REXO4: variants seen among roughly 807,000 people sequenced by gnomAD.
The protein encoded by REXO4 is RNA exonuclease 4.
A neutral mutation model predicts 39.9 loss-of-function variants in REXO4; 29 were observed. The observed-to-expected ratio is 0.73, with a 90% CI of 0.54 to 0.99. The LOEUF is 0.99. Ranked by LOEUF, REXO4 falls within the 50% of genes least tolerant of loss-of-function variation. REXO4 has a pLI of 0.00. For missense variants in REXO4, 524 were observed against 546.5 expected (o/e 0.96, Z 0.41); for synonymous variants, 184 against 206.2 (o/e 0.89, Z 0.92).
At position 133,406,639 on chromosome 9, in the gene REXO4, C is replaced by T. The variant is rs1250523453; in HGVS notation, c.*314G>A. The T allele has an allele frequency of 1.2e-5, 5 of 400,912 alleles. No homozygotes were observed. In the South Asian group the frequency reaches 1.3e-4, roughly 10 times the overall value. 24.8% of individuals were successfully genotyped at this position (400,912 alleles called of 1,614,324 possible). ...ATGGGCAGTGACAGCACCGTATGGA[C>T]TGGCGGCCCACAGGCCCCAACCTCA... On this transcript the variant is annotated 3_prime_UTR_variant, in exon 8 of 8. Transcript: ENST00000371942.
At chr9:133,407,786 T>TA in intron 7 of REXO4, 21 bp downstream of exon 7, 2 of 1,608,978 alleles carry the variant, frequency 1.2e-6, no homozygotes, top group Middle Eastern at 1.7e-4. Flanking sequence ...CCCCATGAAC[T>TA]ACCCCACAGG....
In REXO4 at chr9:133,407,058, C is replaced by G; in HGVS notation, c.1164G>C (p.Gln388His). Residue 388 changes from glutamine (Q) to histidine (H), a missense_variant, in exon 8 of 8, where the codon CAG becomes CAC. Physicochemically the swap from Gln to His is conservative, Grantham distance 24. Transcript: ENST00000371942. ...QAEHCSIQDA[Q>H]AAMRLYVMVK... ...CCATGACGTACAGCCTCATTGCTGC[C>G]TGGGCATCCTGAATCTAGACGACAT... 1 of 1,613,176 alleles carries G rather than the reference C, an allele frequency of 6.2e-7. No homozygotes were observed. Among genetic ancestry groups the G allele is most frequent in the Non-Finnish European group, 8.5e-7 (1 of 1,180,034 alleles).
rs587673111 is a variant in REXO4, at chr9:133,412,805, C to T, written c.689G>A (p.Ser230Asn). ...LGQSEGSVSL[S>N]LVKEQAFGGL... ...GCCGAAGGCCTGCTCTTTCACGAGG[C>T]TGAGGCTGACGCTGCCCTCGCTCTG... The change falls in exon 3 of 8, where the codon AGC (serine) becomes AAC (asparagine). Residue 230 changes from serine (S) to asparagine (N), a missense_variant. Ser to Asn is a conservative substitution (Grantham distance 46). Transcript: ENST00000371942. 9.3e-6 allele frequency: 15 copies of T among 1,613,570 alleles called. No homozygotes were observed. In the South Asian group the frequency reaches 1.6e-4, roughly 18 times the overall value.
chr9:133,408,882 G>T, intron 5 of REXO4, 40 bp from the exon 6 acceptor site: 1 of 1,312,970 alleles, frequency 7.6e-7, no homozygotes, highest in Non-Finnish European at 1.1e-6. Context: ...TTTCATTTTT[G>T]GTTTGTAGTA....
intron 5 of REXO4, 92 bp from the exon 6 acceptor site, chr9:133,408,934 T>TG (rs1839064696): frequency 0.045 from 14,328 of 320,982 alleles, 1,514 homozygotes; most frequent in South Asian, 0.058. Flanking sequence ...AGTAACATCT[T>TG]TGTGTGTGTG....
Position 133,412,850 on chromosome 9 carries a change from A to G in REXO4, c.644T>C (p.Ile215Thr). 6.2e-7 allele frequency: 1 copy of G among 1,614,070 alleles called. No individual in the cohort carries two copies. The highest frequency in any genetic ancestry group is 8.5e-7 in the Non-Finnish European group (1 of 1,180,006). Residue 215 changes from isoleucine (I) to threonine (T), a missense_variant, in exon 3 of 8, where the codon ATA becomes ACA. By Grantham distance (89) the Ile-to-Thr change is moderately conservative. Transcript: ENST00000371942. ...EAAIGPEAAK[I>T]ARKQLGQSEG... The stretch of plus-strand genomic sequence containing the variant: ...GCTCTGACCCAACTGTTTCCTCGCT[A>G]TCTTGGCCGCCTCTGGACCTATGGC...
At chr9:133,418,110 A>C, upstream of REXO4, 1 of 499,738 alleles carries the variant, frequency 2.0e-6, no homozygotes, top group South Asian at 2.7e-5. Context: ...TGGGCGGTTC[A>C]CCCGCACGGG....
At position 133,414,683 on chromosome 9, in the gene REXO4, G is replaced by A; in HGVS notation, c.554C>T (p.Ala185Val). ...EHKKRKAKEA[A>V]PAPPTEEDIW... ...TACTTACTCGGTGGGTGGGGCTGGG[G>A]CTGCCTCCTTAGCTTTCCGCTTCTT... The change falls in exon 2 of 8, where the codon GCC becomes GTC. Residue 185 changes from alanine to valine, a missense_variant. Physicochemically the swap from Ala to Val is moderately conservative, Grantham distance 64. Transcript: ENST00000371942. The A allele has an allele frequency of 6.2e-7, 1 of 1,613,892 alleles. No homozygotes were observed. Among genetic ancestry groups the A allele is most frequent in the South Asian group, 1.1e-5 (1 of 91,064 alleles).
rs782496820 is a variant in REXO4 at position 133,412,847 on chromosome 9, G to C, written c.647C>G (p.Ala216Gly). Reference protein sequence around the residue: ...AAIGPEAAKIARKQLGQSEGS... With the variant: ...AAIGPEAAKIGRKQLGQSEGS... ...CTCGCTCTGACCCAACTGTTTCCTC[G>C]CTATCTTGGCCGCCTCTGGACCTAT... Residue 216 changes from alanine (A) to glycine (G), a missense_variant, in exon 3 of 8, where the codon GCG (alanine) becomes GGG (glycine). Coordinates refer to ENST00000371942, the MANE Select transcript of REXO4 (RefSeq NM_020385.4). 3 of 1,613,930 alleles carry C rather than the reference G, an allele frequency of 1.9e-6. No individual in the cohort carries two copies. The highest frequency in any genetic ancestry group is 2.5e-6 in the Non-Finnish European group (3 of 1,180,052).
chr9:133,415,132 C>T, intron 1 of REXO4, 121 bp from the exon 2 acceptor site: 1 of 744,934 alleles, frequency 1.3e-6, no homozygotes, highest in South Asian at 2.0e-5. Context: ...ATACAATTCC[C>T]ATCCGCATCA....
At position 133,414,830 on chromosome 9, in the gene REXO4, G is replaced by C. The variant is rs1554781203; in HGVS notation, c.407C>G (p.Ser136Cys). 6.2e-7 allele frequency: 1 copy of C among 1,614,146 alleles called. No individual in the cohort carries two copies. Among genetic ancestry groups the C allele is most frequent in the Admixed American group, 1.7e-5 (1 of 60,014 alleles). The change falls in exon 2 of 8, where the codon TCC (serine) becomes TGC (cysteine). Residue 136 changes from serine to cysteine, a missense_variant. Transcript: ENST00000371942. Reference sequence around the variant, plus strand: ...TACTGGCGCCCTCCTGTCCATCTTGGAACCTGAAGGAACAGAGCCCCTGCT... The same window carrying C: ...TACTGGCGCCCTCCTGTCCATCTTGCAACCTGAAGGAACAGAGCCCCTGCT... ...EASRGSVPSG[S>C]KMDRRAPVPR... is the part of the protein sequence containing the mutation.
rs587697040 is a variant in REXO4 at position 133,417,716 on chromosome 9, C to T, written c.129G>A (p.Arg43=). ...KKKRFWKSKA[R]EVSKKPASGP... ...CGCTTGCTGGCTTCTTGCTTACTTC[C>T]CGCGCCTTGCTTTTCCAAAACCTTT... The change falls in exon 1 of 8, where the codon CGG becomes CGA. Residue 43 remains arginine, a synonymous_variant. Coordinates refer to ENST00000371942, the MANE Select transcript of REXO4 (RefSeq NM_020385.4). 5.6e-6 allele frequency: 9 copies of T among 1,614,156 alleles called. No individual in the cohort carries two copies. In the East Asian group the frequency reaches 1.6e-4, roughly 28 times the overall value.
At chr9:133,408,018 T>C in intron 6 of REXO4, 137 bp from the exon 7 acceptor site, 1 of 636,942 alleles carries the variant, frequency 1.6e-6, no homozygotes. Flanking sequence ...GAGGTGCTCA[T>C]GGCACTTAGG....
At chr9:133,414,111 C>A (rs891643257) in intron 2 of REXO4, among the ~76,000 whole-genome samples, 5 of 152,198 alleles carry the variant, frequency 3.3e-5, no homozygotes, top group Admixed American at 6.5e-5. Context: ...TGCTCCGTCA[C>A]CCAGGCTGGA....
chr9:133,416,917 T>C (rs1839653092), intron 1 of REXO4, among the ~76,000 whole-genome samples: 1 of 152,212 alleles, frequency 6.6e-6, no homozygotes, highest in South Asian at 2.1e-4. Context: ...AGACCGTAAG[T>C]GTCGCTAGAA....
At chr9:133,415,756 C>T (rs1839555439) in intron 1 of REXO4, 1 of 152,224 alleles carries the variant, frequency 6.6e-6, no homozygotes, top group Non-Finnish European at 1.5e-5. Context: ...CCCTTCCATT[C>T]ACTTATTTTG....
At position 133,412,495 on chromosome 9, in the gene REXO4, G is replaced by C; in HGVS notation, c.717-3C>G. The C allele has an allele frequency of 6.2e-7, 1 of 1,613,890 alleles. No homozygotes were observed. The highest frequency in any genetic ancestry group is 2.2e-5 in the East Asian group (1 of 44,872). On this transcript the variant is annotated splice_polypyrimidine_tract_variant and splice_region_variant and intron_variant, in intron 3 of 7. Transcript: ENST00000371942. ...CCAAGGCTAAGGCTCTTGTCAGGCT[G>C]AAGGGTAACCAAAGGCTGTAGTTTA...
chr9:133,406,601 G>A lies in REXO4; in HGVS notation c.*352C>T, dbSNP rs1405576890. Reference sequence around the variant, plus strand: ...GAAGGTGCTGAGCACCTCACCCCAGGGTGTCACCGAAGATGGGCAGTGACA... The same window carrying A: ...GAAGGTGCTGAGCACCTCACCCCAGAGTGTCACCGAAGATGGGCAGTGACA... On this transcript the variant is annotated 3_prime_UTR_variant, in exon 8 of 8. Transcript: ENST00000371942. The A allele has an allele frequency of 3.3e-6, 1 of 302,066 alleles. No homozygotes were observed. Among genetic ancestry groups the A allele is most frequent in the South Asian group, 4.0e-5 (1 of 25,168 alleles). 18.7% of individuals were successfully genotyped at this position (302,066 alleles called of 1,614,324 possible).
Position 133,412,892 on chromosome 9 carries a change from G to T in REXO4, c.602C>A (p.Pro201Gln). ...EEDIWFDDVD[P>Q]ADIEAAIGPE... ...ACCTATGGCAGCTTCGATATCCGCT[G>T]GGTCCACGTCGTCAAACCAGATGTC... Residue 201 changes from proline to glutamine, a missense_variant, in exon 3 of 8, where the codon CCA (proline) becomes CAA (glutamine). Physicochemically the swap from Pro to Gln is moderately conservative, Grantham distance 76. Coordinates refer to ENST00000371942, the MANE Select transcript of REXO4 (RefSeq NM_020385.4). The T allele has an allele frequency of 6.2e-7, 1 of 1,614,056 alleles. No individual in the cohort carries two copies. The highest frequency in any genetic ancestry group is 1.3e-5 in the African/African-American group (1 of 75,028).
Sources: allele counts gnomAD v4.1 joint callset (sites outside exome capture counted in the v4.1 genomes callset), GRCh38; gene constraint gnomAD v4.1.1; transcripts MANE v1.5; gene names NCBI Gene and HGNC (gene_info 2026-07-23, HGNC 2026-07-21).